ITPRID1: variants seen among roughly 807,000 people sequenced by gnomAD.
The protein encoded by ITPRID1 is protein ITPRID1.
A neutral mutation model predicts 95.4 loss-of-function variants in ITPRID1; 96 were observed. The observed-to-expected ratio is 1.01, with a 90% CI of 0.85 to 1.19. The LOEUF (loss-of-function observed/expected upper bound fraction) is 1.19, where lower values mean the gene tolerates loss of function less well. Among genes scored for constraint, ITPRID1 ranks in the 50% most tolerant of loss-of-function variants. The pLI is 0.00. For missense variants in ITPRID1, 1,339 were observed against 1,252.9 expected (o/e 1.07, Z -1.04); for synonymous variants, 510 against 453.6 (o/e 1.12, Z -1.58).
intron 10 of ITPRID1, among the ~76,000 whole-genome samples, chr7:31,634,650 T>C (rs1789316505): frequency 6.6e-6 from 1 of 152,060 alleles, no homozygotes; most frequent in African/African-American, 2.4e-5. Flanking sequence ...CCTTAAGCTA[T>C]GGGATAGGCA....
chr7:31,550,441 A>G (rs1426225850), intron 2 of ITPRID1, among the ~76,000 whole-genome samples: 2 of 152,140 alleles, frequency 1.3e-5, no homozygotes, highest in African/African-American at 4.8e-5. Flanking sequence ...CGGACAGACT[A>G]ACTAGAGAAG....
At chr7:31,546,783 T>C (rs1213962635) in intron 1 of ITPRID1, among the ~76,000 whole-genome samples, 1 of 152,024 alleles carries the variant, frequency 6.6e-6, no homozygotes, top group Non-Finnish European at 1.5e-5. Context: ...AACAGACTTA[T>C]AAAACAATGT....
chr7:31,519,645 T>TATATATATATATATATATAA lies in ITPRID1; in HGVS notation c.-98+5526_-98+5527insTATATATATATATATATAAA, dbSNP rs1332451516. On this transcript the variant is annotated intron_variant, in intron 1 of 14. Transcript: ENST00000615280. ...CTATATATATATATATATATATATA[T>TATATATATATATATATATAA]AAATCTTATGTTATCCTGCTGGTAT... Among the ~76,000 whole-genome samples the TATATATATATATATATATAA allele has an allele frequency of 2.9e-3, 329 of 114,872 alleles. 7 individuals carry two copies. The highest frequency in any genetic ancestry group is 6.0e-3 in the South Asian group (18 of 3,022). The allele number at this position is 114,872 out of a possible 152,430, so 75.4% of individuals were successfully genotyped here.
At chr7:31,516,927 C>G (rs142975090) in intron 1 of ITPRID1, among the ~76,000 whole-genome samples, 1 of 152,170 alleles carries the variant, frequency 6.6e-6, no homozygotes, top group African/African-American at 2.4e-5. Flanking sequence ...TTCTGACGTT[C>G]GGACCTGTCC....
At chr7:31,544,902 C>T (rs1784048495) in intron 1 of ITPRID1, among the ~76,000 whole-genome samples, 1 of 152,140 alleles carries the variant, frequency 6.6e-6, no homozygotes. Flanking sequence ...TAGAAGCAAT[C>T]ATTCATTCAT....
intron 1 of ITPRID1, among the ~76,000 whole-genome samples, chr7:31,537,095 TTGTGTGTGTGTGTGTG>T (rs66543091): frequency 2.1e-5 from 3 of 145,676 alleles, no homozygotes; most frequent in South Asian, 4.4e-4. Context: ...GGTGTGTGTG[TTGTGTGTGTGTGTGTG>T]TGTGTGTGTG....
intron 1 of ITPRID1, among the ~76,000 whole-genome samples, chr7:31,521,620 C>CT (rs1384409665): frequency 4.3e-5 from 3 of 69,762 alleles, no homozygotes; most frequent in Middle Eastern, 6.7e-3. Flanking sequence ...TCTCCTTTCC[C>CT]TCCTTCCTTC....
intron 12 of ITPRID1, among the ~76,000 whole-genome samples, chr7:31,650,471 A>C (rs1421981881): frequency 1.3e-5 from 2 of 152,164 alleles, no homozygotes; most frequent in Non-Finnish European, 2.9e-5. Flanking sequence ...GAGAGAAAGT[A>C]AGAGTTAAAC....
chr7:31,591,090 G>A (rs1325964853), intron 10 of ITPRID1, among the ~76,000 whole-genome samples: 1 of 152,172 alleles, frequency 6.6e-6, no homozygotes, highest in Admixed American at 6.5e-5. Flanking sequence ...ACTGACTGTG[G>A]AATGGGCTGT....
intron 10 of ITPRID1, among the ~76,000 whole-genome samples, chr7:31,627,865 A>G (rs1010756954): frequency 6.6e-6 from 1 of 152,154 alleles, no homozygotes; most frequent in Non-Finnish European, 1.5e-5. Context: ...TTAAGTGAAT[A>G]CTAAGTTGTC....
intron 1 of ITPRID1, chr7:31,518,351 G>A (rs1783114485): frequency 6.6e-6 from 1 of 152,200 alleles, no homozygotes; most frequent in South Asian, 2.1e-4. Flanking sequence ...ATAAATGTGT[G>A]TTGCCTAAAA....
At chr7:31,594,265 T>C (rs1326532764) in intron 10 of ITPRID1, among the ~76,000 whole-genome samples, 4 of 152,180 alleles carry the variant, frequency 2.6e-5, no homozygotes, top group Non-Finnish European at 5.9e-5. Context: ...CACTCTATGA[T>C]ATTCAAACAA....
intron 1 of ITPRID1, among the ~76,000 whole-genome samples, chr7:31,523,150 C>G (rs1395536960): frequency 1.3e-5 from 2 of 152,168 alleles, no homozygotes; most frequent in Non-Finnish European, 2.9e-5. Flanking sequence ...TGTCTTAACA[C>G]AAATTTATTC....
At chr7:31,549,552 T>C in intron 2 of ITPRID1, 53 bp downstream of exon 2, 1 of 1,329,776 alleles carries the variant, frequency 7.5e-7, no homozygotes, top group Non-Finnish European at 1.0e-6. Context: ...CTCCATAAAG[T>C]GTTTATTTCA....
chr7:31,618,220 G>A (rs980963401), intron 10 of ITPRID1, among the ~76,000 whole-genome samples: 11 of 152,294 alleles, frequency 7.2e-5, no homozygotes, highest in East Asian at 3.9e-4. Flanking sequence ...ATGTATGTCT[G>A]TCTTCCCCAG....
chr7:31,647,079 C>T (rs1013642450), intron 12 of ITPRID1, among the ~76,000 whole-genome samples: 9 of 152,198 alleles, frequency 5.9e-5, no homozygotes, highest in African/African-American at 1.7e-4. Context: ...CATACATATG[C>T]ACACAGGCGC....
At chr7:31,554,585 G>A in intron 4 of ITPRID1, 62 bp downstream of exon 4, 1 of 1,598,200 alleles carries the variant, frequency 6.3e-7, no homozygotes, top group East Asian at 2.2e-5. Context: ...TGAAAACAAT[G>A]TGTGTAACTC....
At chr7:31,658,265 T>C (rs1424211763), downstream of ITPRID1, 3 of 1,503,240 alleles carry the variant, frequency 2.0e-6, no homozygotes, top group East Asian at 2.5e-5. Context: ...ACATATTCTC[T>C]TATAGGTGAA....
At chr7:31,598,194 G>T (rs1005087265) in intron 10 of ITPRID1, among the ~76,000 whole-genome samples, 5 of 151,978 alleles carry the variant, frequency 3.3e-5, no homozygotes, top group African/African-American at 9.7e-5. Flanking sequence ...TGACCTCAGG[G>T]TTACAAACAA....
Sources: allele counts gnomAD v4.1 joint callset (sites outside exome capture counted in the v4.1 genomes callset), GRCh38; gene constraint gnomAD v4.1.1; transcripts MANE v1.5; gene names NCBI Gene and HGNC (gene_info 2026-07-23, HGNC 2026-07-21).